Variants in NRG3 observed in about 807,000 individuals in gnomAD.
The protein encoded by NRG3 is neuregulin 3.
Under a neutral mutation model 66.9 loss-of-function variants are expected in NRG3, and 31 were observed. The observed-to-expected ratio is 0.46, with a 90% CI of 0.35 to 0.63. NRG3 has a LOEUF of 0.63. NRG3 is among the 20% of genes least tolerant of loss of function. NRG3 has a pLI of 0.00. For synonymous variants in NRG3, 393 were observed against 359.4 expected (o/e 1.09, Z -1.06); for missense variants, 910 against 878.9 (o/e 1.04, Z -0.45).
At chr10:82,102,143 T>TATGTGTATTC (rs2066793309) in intron 1 of NRG3, among the ~76,000 whole-genome samples, 2 of 47,670 alleles carry the variant, frequency 4.2e-5, no homozygotes, top group Non-Finnish European at 1.2e-4. Flanking sequence ...CATATATATA[T>TATGTGTATTC]ATATATATAT....
intron 1 of NRG3, among the ~76,000 whole-genome samples, chr10:82,196,438 G>T (rs7923144): frequency 6.6e-6 from 1 of 152,042 alleles, no homozygotes; most frequent in Non-Finnish European, 1.5e-5. Flanking sequence ...AAGTACACTG[G>T]CCTGAGAAAT....
intron 3 of NRG3, among the ~76,000 whole-genome samples, chr10:82,856,520 G>A (rs552008072): frequency 6.0e-4 from 91 of 152,048 alleles, no homozygotes; most frequent in Admixed American, 2.4e-3. Context: ...CAAGGTGGGC[G>A]GATCACTTAA....
chr10:82,012,804 A>C (rs113159402), intron 1 of NRG3, among the ~76,000 whole-genome samples: 1 of 152,200 alleles, frequency 6.6e-6, no homozygotes, highest in Non-Finnish European at 1.5e-5. Context: ...CTTTGCTCCA[A>C]TTACCAAAAA....
chr10:82,837,453 A>G (rs1333504757), intron 3 of NRG3, among the ~76,000 whole-genome samples: 2 of 152,156 alleles, frequency 1.3e-5, no homozygotes, highest in Non-Finnish European at 2.9e-5. Flanking sequence ...TTCAGTGAGT[A>G]CAAAAGAAGT....
At chr10:82,959,585 G>A (rs1031962994) in intron 6 of NRG3, among the ~76,000 whole-genome samples, 27 of 152,244 alleles carry the variant, frequency 1.8e-4, no homozygotes, top group African/African-American at 6.5e-4. Context: ...GACTGGGTTT[G>A]GAAGGATATG....
intron 1 of NRG3, among the ~76,000 whole-genome samples, chr10:82,143,641 G>C (rs1465675663): frequency 6.6e-6 from 1 of 152,196 alleles, no homozygotes. Context: ...TCTGGAGTTA[G>C]GTAGTCCTGG....
intron 1 of NRG3, among the ~76,000 whole-genome samples, chr10:82,229,654 C>T (rs985343637): frequency 5.3e-5 from 8 of 152,092 alleles, no homozygotes; most frequent in South Asian, 2.1e-4. Flanking sequence ...AAGTGCAGAG[C>T]GAAGCAGGGA....
intron 1 of NRG3, among the ~76,000 whole-genome samples, chr10:81,971,900 G>A (rs1173218491): frequency 6.6e-6 from 1 of 152,208 alleles, no homozygotes; most frequent in Non-Finnish European, 1.5e-5. Context: ...AATATGTAAA[G>A]GGATGCTTTG....
intron 1 of NRG3, among the ~76,000 whole-genome samples, chr10:82,045,054 A>T (rs569325310): frequency 0.014 from 2,140 of 150,760 alleles, 42 homozygotes; most frequent in African/African-American, 0.05. Flanking sequence ...TATAGCAGCA[A>T]GATTTATAGT....
chr10:82,598,341 G>T (rs2047410900), intron 2 of NRG3, among the ~76,000 whole-genome samples: 1 of 152,152 alleles, frequency 6.6e-6, no homozygotes, highest in Non-Finnish European at 1.5e-5. Flanking sequence ...ATGTAATTAA[G>T]TTGTGACACT....
At chr10:82,010,995 C>A (rs1192231870) in intron 1 of NRG3, among the ~76,000 whole-genome samples, 4 of 152,214 alleles carry the variant, frequency 2.6e-5, no homozygotes, top group African/African-American at 9.6e-5. Flanking sequence ...GAGACCCAGG[C>A]TGTGTCTTAT....
rs541432155 is a variant in NRG3, at chr10:82,597,339, A to G, written c.954-141238A>G. Among the ~76,000 whole-genome samples the G allele has an allele frequency of 1.6e-3, 242 of 152,336 alleles. 2 individuals carry two copies. The highest frequency in any genetic ancestry group is 5.5e-3 in the African/African-American group (229 of 41,594). On this transcript the variant is annotated intron_variant, in intron 2 of 8. Coordinates refer to ENST00000372141, the MANE Select transcript of NRG3 (RefSeq NM_001010848.4). Reference sequence around the variant, plus strand: ...CAAGGATGTATTAGAACAAATGCAGAATTTCAGAGGAAAGAACAGATAATT... The same window carrying G: ...CAAGGATGTATTAGAACAAATGCAGGATTTCAGAGGAAAGAACAGATAATT...
At chr10:82,622,032 G>A (rs2049073277) in intron 2 of NRG3, among the ~76,000 whole-genome samples, 1 of 152,070 alleles carries the variant, frequency 6.6e-6, no homozygotes, top group South Asian at 2.1e-4. Context: ...TCAGGGAATG[G>A]CCAAAAAATG....
intron 2 of NRG3, among the ~76,000 whole-genome samples, chr10:82,425,319 A>G (rs2089354319): frequency 6.6e-6 from 1 of 152,018 alleles, no homozygotes; most frequent in Non-Finnish European, 1.5e-5. Context: ...TTTTTTCAAC[A>G]ATGTTTGTTG....
chr10:82,348,432 G>A (rs1196503716), intron 1 of NRG3, among the ~76,000 whole-genome samples: 1 of 149,488 alleles, frequency 6.7e-6, no homozygotes, highest in Non-Finnish European at 1.5e-5. Context: ...TCTGCTGAGA[G>A]ATCCGCTGTT....
intron 2 of NRG3, among the ~76,000 whole-genome samples, chr10:82,725,603 T>G (rs2057554165): frequency 6.6e-6 from 1 of 152,214 alleles, no homozygotes; most frequent in Non-Finnish European, 1.5e-5. Flanking sequence ...CTATTCAGAT[T>G]ATTGTATTCC....
intron 3 of NRG3, among the ~76,000 whole-genome samples, chr10:82,862,467 T>C (rs1252985855): frequency 6.6e-6 from 1 of 152,208 alleles, no homozygotes; most frequent in Non-Finnish European, 1.5e-5. Flanking sequence ...ATACATATGA[T>C]ATGTGTTAGA....
chr10:82,753,062 A>T (rs1429210896), intron 3 of NRG3, among the ~76,000 whole-genome samples: 2 of 152,138 alleles, frequency 1.3e-5, no homozygotes, highest in African/African-American at 4.8e-5. Flanking sequence ...ACCTTTATAG[A>T]CCTTTGGGTT....
chr10:82,576,297 G>A (rs1268964529), intron 2 of NRG3, among the ~76,000 whole-genome samples: 3 of 151,084 alleles, frequency 2.0e-5, no homozygotes, highest in Admixed American at 1.3e-4. Flanking sequence ...TGCTTACTGG[G>A]CATTTCTGTA....
Sources: gnomAD v4.1 joint callset for allele counts (sites outside exome capture counted in the v4.1 genomes callset) on GRCh38, gnomAD v4.1.1 for gene constraint, MANE v1.5 for transcripts, NCBI Gene and HGNC (gene_info 2026-07-23, HGNC 2026-07-21) for gene names.